The following RPL31 variants were observed in gnomAD, a reference collection of about 807,000 sequenced individuals.
RPL31 encodes ribosomal protein L31, also known as large ribosomal subunit protein eL31.
For synonymous variants in RPL31, 51 were observed against 55.0 expected (o/e 0.93, Z 0.32); for missense variants, 95 against 164.0 (o/e 0.58, Z 2.30).
chr2:101,018,230 T>C (rs976374783), intron 4 of RPL31: 5 of 254,880 alleles, frequency 2.0e-5, no homozygotes, highest in Non-Finnish European at 3.7e-5. Flanking sequence ...TAATGAAACA[T>C]TTGTGACCTC....
downstream of RPL31, chr2:101,008,405 C>G: frequency 4.1e-6 from 3 of 739,526 alleles, no homozygotes; most frequent in South Asian, 2.3e-5. Context: ...AAAAGGTAGT[C>G]TCTGCCTTTC....
chr2:101,011,393 T>G, downstream of RPL31: 1 of 1,563,396 alleles, frequency 6.4e-7, no homozygotes, highest in African/African-American at 1.4e-5. Context: ...GCAACCCCGG[T>G]GCCTCCCGCC....
chr2:101,011,439 A>G (rs945739440), downstream of RPL31: 1 of 1,613,762 alleles, frequency 6.2e-7, no homozygotes, highest in Admixed American at 1.7e-5. Flanking sequence ...AACAATGAAA[A>G]GAGGTACGTG....
intron 4 of RPL31, among the ~76,000 whole-genome samples, chr2:101,014,197 GT>G (rs113766146): frequency 5.5e-4 from 79 of 144,380 alleles, no homozygotes; most frequent in East Asian, 2.4e-3. Context: ...TTTCGCAAAA[GT>G]TTTTTTTTTT....
chr2:101,008,324 A>AT (rs200543793), downstream of RPL31: 14,344 of 1,151,892 alleles, frequency 0.012, 1 homozygote, highest in South Asian at 0.017. Context: ...TGGAAGTGTC[A>AT]TTTTTTTTTT....
chr2:101,008,282 G>GAAAT (rs144392214), downstream of RPL31: 8,915 of 1,513,850 alleles, frequency 5.9e-3, 416 homozygotes, highest in African/African-American at 0.1. Context: ...CTCTGAAATT[G>GAAAT]AAATAAGTCT....
intron 2 of RPL31, 108 bp downstream of exon 2, chr2:101,002,916 T>C: frequency 1.3e-6 from 1 of 775,884 alleles, no homozygotes; most frequent in Non-Finnish European, 2.2e-6. Context: ...TGGCCTTCCC[T>C]GTTTCATTCA....
intron 3 of RPL31, chr2:101,004,602 G>T: frequency 2.7e-6 from 1 of 371,794 alleles, no homozygotes. Context: ...GAGCCCAGTG[G>T]AGGAGGGAGG....
intron 4 of RPL31, chr2:101,018,060 T>C (rs188583780): frequency 4.5e-5 from 41 of 904,346 alleles, no homozygotes; most frequent in Admixed American, 4.4e-4. Flanking sequence ...AAATGTAATG[T>C]TGACAATCTA....
intron 4 of RPL31, among the ~76,000 whole-genome samples, chr2:101,013,356 T>C (rs1028005667): frequency 1.2e-4 from 19 of 152,334 alleles, no homozygotes; most frequent in African/African-American, 4.6e-4. Context: ...AAAAATCCTT[T>C]CAATCTTTTT....
rs1558957088 is a variant in RPL31 at position 101,002,743 on chromosome 2, T to C, written c.42T>C (p.Arg14=). The change falls in exon 2 of 5, where the codon CGT becomes CGC. Residue 14 remains arginine (R), a synonymous_variant. Transcript: ENST00000264258. ...AGGGTGGCGAGAAGAAAAAGGGCCG[T>C]TCTGCCATCAACGAAGTGGTAACCC... is the stretch of plus-strand genomic sequence containing the variant. ...AKKGGEKKKG[R]SAINEVVTRE... is the part of the protein sequence containing the mutation. 1 of 1,614,144 alleles carries C rather than the reference T, an allele frequency of 6.2e-7. No individual in the cohort carries two copies. Among genetic ancestry groups the C allele is most frequent in the East Asian group, 2.2e-5 (1 of 44,886 alleles).
chr2:101,017,805 T>A, intron 4 of RPL31: 3 of 1,542,198 alleles, frequency 1.9e-6, no homozygotes, highest in Non-Finnish European at 2.6e-6. Flanking sequence ...CTTTTTAATA[T>A]TAGTTTTCAT....
At chr2:101,004,713 G>C (rs1405543498) in intron 3 of RPL31, 1 of 185,404 alleles carries the variant, frequency 5.4e-6, no homozygotes, top group Non-Finnish European at 1.1e-5. Context: ...TGGCGGGGGT[G>C]GGGGGCAGTG....
chr2:101,019,128 C>T (rs1339542136), exon 5 of RPL31: 6 of 1,522,744 alleles, frequency 3.9e-6, no homozygotes, highest in Non-Finnish European at 4.5e-6. Context: ...ACCAAGCTCA[C>T]CGAGGACGTC....
chr2:101,006,826 G>A lies in RPL31; in HGVS notation c.*445G>A, dbSNP rs1449901691. ...TTAAGCTTCTGCCTACATCCATATT[G>A]AGTATAGTTGTTGTCTTCTAAAATA... On this transcript the variant is annotated 3_prime_UTR_variant, in exon 5 of 5. Coordinates refer to ENST00000264258, the MANE Select transcript of RPL31 (RefSeq NM_000993.5). 1 of 154,966 alleles carries A rather than the reference G, an allele frequency of 6.5e-6. No individual in the cohort carries two copies. Among genetic ancestry groups the A allele is most frequent in the Non-Finnish European group, 1.4e-5 (1 of 70,084 alleles). 9.6% of individuals were successfully genotyped at this position (154,966 alleles called of 1,614,324 possible).
intron 2 of RPL31, 70 bp downstream of exon 2, chr2:101,002,878 T>A (rs1427303835): frequency 9.0e-7 from 1 of 1,116,156 alleles, no homozygotes; most frequent in African/African-American, 1.5e-5. Context: ...ATGTGCCGAA[T>A]CACCTCCACC....
downstream of RPL31, chr2:101,011,129 C>A: frequency 9.0e-7 from 1 of 1,106,396 alleles, no homozygotes. Context: ...AGGAATTCCA[C>A]TAAGCAAATT....
rs1438298199 is a variant in RPL31, at chr2:101,002,310, T to A, written c.-6T>A. 1 of 184,650 alleles carries A rather than the reference T, an allele frequency of 5.4e-6. No individual in the cohort carries two copies. The highest frequency in any genetic ancestry group is 1.1e-5 in the Non-Finnish European group (1 of 88,116). 11.4% of individuals were successfully genotyped at this position (184,650 alleles called of 1,614,324 possible). ...CGCTCTTCCTTTCCAACTTGGACGC[T>A]GCAGAGTGAGTATGGGTGGCGGAGT... On this transcript the variant is annotated 5_prime_UTR_variant, in exon 1 of 5. Transcript: ENST00000264258.
Position 101,006,353 on chromosome 2 carries a change from T to TACAG in RPL31, c.355_358dup (p.Val120AspfsTer6), listed in dbSNP as rs1262561481. On this transcript the variant is annotated frameshift_variant, in exon 5 of 5. Coordinates refer to ENST00000264258, the MANE Select transcript of RPL31 (RefSeq NM_000993.5). LOFTEE classifies it high-confidence loss of function. ...TTGACTGTTACTTCCTTTACAGATC[T>TACAG]ACAGACAGTCAATGTGGATGAGAAC... The TACAG allele has an allele frequency of 6.2e-7, 1 of 1,610,426 alleles. No individual in the cohort carries two copies. Among genetic ancestry groups the TACAG allele is most frequent in the African/African-American group, 1.3e-5 (1 of 74,770 alleles).
Sources: gnomAD v4.1 joint callset for allele counts (sites outside exome capture counted in the v4.1 genomes callset) on GRCh38, gnomAD v4.1.1 for gene constraint, MANE v1.5 for transcripts, NCBI Gene and HGNC (gene_info 2026-07-23, HGNC 2026-07-21) for gene names.